The following GABRB1 variants were observed in gnomAD, a reference collection of about 807,000 sequenced individuals.
GABRB1 encodes gamma-aminobutyric acid type A receptor subunit beta1, also known as gamma-aminobutyric acid receptor subunit beta-1.
In GABRB1, 17 loss-of-function variants were observed where a neutral mutation model predicts 51.6. The ratio of observed to expected loss-of-function variants is 0.33; its 90% CI spans 0.23 to 0.49. GABRB1 has a LOEUF of 0.49. Ranked by LOEUF, GABRB1 falls within the 20% of genes least tolerant of loss-of-function variation. The pLI is 0.99. For synonymous variants in GABRB1, 247 were observed against 218.9 expected (o/e 1.13, Z -1.14); for missense variants, 410 against 600.6 (o/e 0.68, Z 3.32).
intron 4 of GABRB1, among the ~76,000 whole-genome samples, chr4:47,182,630 G>T (rs1461264002): frequency 6.6e-6 from 1 of 151,862 alleles, no homozygotes; most frequent in Non-Finnish European, 1.5e-5. Context: ...TAATACCAAG[G>T]TTGATGCAAA....
chr4:47,020,049 G>A (rs1436635632), intron 1 of GABRB1, among the ~76,000 whole-genome samples: 1 of 151,932 alleles, frequency 6.6e-6, no homozygotes, highest in South Asian at 2.1e-4. Context: ...GCCTCCCAAA[G>A]TGCTGGGATT....
chr4:46,996,955 G>T (rs1425162882), intron 1 of GABRB1, among the ~76,000 whole-genome samples: 1 of 152,152 alleles, frequency 6.6e-6, no homozygotes, highest in South Asian at 2.1e-4. Flanking sequence ...CTGAAGGCTT[G>T]TAGATATAGG....
At chr4:47,089,674 T>G (rs1347377236) in intron 3 of GABRB1, among the ~76,000 whole-genome samples, 2 of 152,162 alleles carry the variant, frequency 1.3e-5, no homozygotes, top group Non-Finnish European at 2.9e-5. Flanking sequence ...AATATTATAA[T>G]CGAATAGTAT....
At chr4:47,233,748 T>G (rs1721227702) in intron 4 of GABRB1, among the ~76,000 whole-genome samples, 1 of 152,192 alleles carries the variant, frequency 6.6e-6, no homozygotes, top group Admixed American at 6.5e-5. Flanking sequence ...CAATTTGAAA[T>G]GTAGTACATT....
chr4:47,063,077 G>T (rs1726907897), intron 3 of GABRB1, among the ~76,000 whole-genome samples: 1 of 152,066 alleles, frequency 6.6e-6, no homozygotes, highest in African/African-American at 2.4e-5. Flanking sequence ...AAAATCCAAA[G>T]ATTTTATATA....
intron 3 of GABRB1, among the ~76,000 whole-genome samples, chr4:47,061,032 T>G (rs1287875212): frequency 6.6e-6 from 1 of 152,180 alleles, no homozygotes; most frequent in Non-Finnish European, 1.5e-5. Context: ...AACACAAAGT[T>G]ACTAAAAAAT....
chr4:47,246,334 G>T (rs866063911), intron 4 of GABRB1, among the ~76,000 whole-genome samples: 2 of 7,648 alleles, frequency 2.6e-4, no homozygotes, highest in South Asian at 7.1e-3. Context: ...ACACACATAT[G>T]TACATATATA....
At chr4:47,352,988 G>A (rs1726413540) in intron 5 of GABRB1, among the ~76,000 whole-genome samples, 1 of 152,190 alleles carries the variant, frequency 6.6e-6, no homozygotes, top group Admixed American at 6.5e-5. Flanking sequence ...TGAACTTACA[G>A]TTCCACATGG....
At chr4:47,076,264 G>T (rs989928139) in intron 3 of GABRB1, among the ~76,000 whole-genome samples, 2 of 152,174 alleles carry the variant, frequency 1.3e-5, no homozygotes, top group African/African-American at 4.8e-5. Context: ...TGGAAATCTT[G>T]CTCTCAAAAA....
intron 4 of GABRB1, among the ~76,000 whole-genome samples, chr4:47,219,292 A>G (rs778385247): frequency 1.3e-5 from 2 of 151,916 alleles, no homozygotes; most frequent in Non-Finnish European, 2.9e-5. Flanking sequence ...TTAATATGAG[A>G]TAGTCGCATA....
chr4:47,222,292 A>T (rs181348603), intron 4 of GABRB1, among the ~76,000 whole-genome samples: 82 of 152,224 alleles, frequency 5.4e-4, no homozygotes, highest in Non-Finnish European at 1.1e-3. Flanking sequence ...GGAATCAACA[A>T]ATAATGAGTA....
chr4:47,205,292 A>C (rs974416545), intron 4 of GABRB1, among the ~76,000 whole-genome samples: 2 of 152,196 alleles, frequency 1.3e-5, no homozygotes, highest in African/African-American at 4.8e-5. Flanking sequence ...CAGAGAAGAC[A>C]AAAGTTGCCT....
chr4:47,016,094 A>T (rs1724734463), intron 1 of GABRB1, among the ~76,000 whole-genome samples: 2 of 152,328 alleles, frequency 1.3e-5, no homozygotes, highest in South Asian at 4.1e-4. Context: ...TACAGAAAAT[A>T]GGAGTATATC....
intron 5 of GABRB1, among the ~76,000 whole-genome samples, chr4:47,339,855 A>C (rs1037467786): frequency 4.2e-5 from 6 of 143,434 alleles, no homozygotes; most frequent in East Asian, 4.3e-4. Context: ...ACACACACAC[A>C]CCCCACTTTG....
chr4:47,026,346 GATA>G (rs1476484551), intron 1 of GABRB1, among the ~76,000 whole-genome samples: 65 of 152,064 alleles, frequency 4.3e-4, no homozygotes, highest in African/African-American at 1.4e-3. Context: ...GTGTTCACCA[GATA>G]ATCACCGGGT....
intron 4 of GABRB1, among the ~76,000 whole-genome samples, chr4:47,274,810 G>A (rs942688356): frequency 1.2e-4 from 18 of 152,258 alleles, no homozygotes; most frequent in African/African-American, 4.3e-4. Flanking sequence ...AAGGGCCCTG[G>A]TGTCTCAGCC....
At chr4:47,207,051 G>A (rs529738240) in intron 4 of GABRB1, among the ~76,000 whole-genome samples, 2 of 151,808 alleles carry the variant, frequency 1.3e-5, no homozygotes, top group South Asian at 2.1e-4. Flanking sequence ...AGATGGCTTC[G>A]AACCTAAGTC....
intron 4 of GABRB1, among the ~76,000 whole-genome samples, chr4:47,215,769 A>G (rs1167945125): frequency 6.6e-6 from 1 of 152,042 alleles, no homozygotes; most frequent in Non-Finnish European, 1.5e-5. Flanking sequence ...CAAGAAATAA[A>G]CCCATTTTAG....
chr4:47,093,579 A>G (rs1714237732), intron 3 of GABRB1, among the ~76,000 whole-genome samples: 1 of 152,238 alleles, frequency 6.6e-6, no homozygotes, highest in Non-Finnish European at 1.5e-5. Flanking sequence ...TTCTGCGTAC[A>G]ACAAAAAAAA....
Sources: gnomAD v4.1 joint callset for allele counts (sites outside exome capture counted in the v4.1 genomes callset) on GRCh38, gnomAD v4.1.1 for gene constraint, MANE v1.5 for transcripts, NCBI Gene and HGNC (gene_info 2026-07-23, HGNC 2026-07-21) for gene names.